FAM178B: variants seen among roughly 807,000 people sequenced by gnomAD.
FAM178B encodes the protein protein FAM178B.
Under a neutral mutation model 91.7 loss-of-function variants are expected in FAM178B, and 82 were observed. The observed-to-expected ratio is 0.89, with a 90% CI of 0.75 to 1.07. The LOEUF (loss-of-function observed/expected upper bound fraction) is 1.07, where lower values mean the gene tolerates loss of function less well. Among genes scored for constraint, FAM178B ranks in the 50% least tolerant of loss-of-function variants. The pLI is 0.00. For synonymous variants in FAM178B, 368 were observed against 359.4 expected (o/e 1.02, Z -0.27); for missense variants, 769 against 846.7 (o/e 0.91, Z 1.14).
intron 13 of FAM178B, among the ~76,000 whole-genome samples, chr2:96,900,391 T>TG (rs2080904954): frequency 6.6e-6 from 1 of 151,988 alleles, no homozygotes; most frequent in South Asian, 2.1e-4. Context: ...CCCACCTGGG[T>TG]GCCTGTCCCT....
At chr2:96,900,818 C>G (rs993051041) in intron 13 of FAM178B, among the ~76,000 whole-genome samples, 2 of 152,218 alleles carry the variant, frequency 1.3e-5, no homozygotes, top group Non-Finnish European at 2.9e-5. Flanking sequence ...CTTGCAGTCA[C>G]AGCACCTGGG....
chr2:96,956,585 T>A (rs1407504112), intron 6 of FAM178B: 1 of 152,190 alleles, frequency 6.6e-6, no homozygotes, highest in Non-Finnish European at 1.5e-5. Flanking sequence ...ATTTCAAGAG[T>A]TGATTTTTTA....
At chr2:96,982,385 C>T (rs1046315524) in intron 1 of FAM178B, among the ~76,000 whole-genome samples, 1 of 152,106 alleles carries the variant, frequency 6.6e-6, no homozygotes, top group Non-Finnish European at 1.5e-5. Flanking sequence ...ACCTCAGCTT[C>T]CCGAGTAGCT....
chr2:96,907,852 C>A (rs2081084126), intron 12 of FAM178B, among the ~76,000 whole-genome samples: 1 of 152,236 alleles, frequency 6.6e-6, no homozygotes, highest in Non-Finnish European at 1.5e-5. Flanking sequence ...GAACTGGGCC[C>A]TGCCAAGACT....
intron 12 of FAM178B, among the ~76,000 whole-genome samples, chr2:96,905,854 ATATATATTTTTTTTTTTTTT>A (rs1399821939): frequency 5.9e-3 from 128 of 21,610 alleles, no homozygotes; most frequent in South Asian, 8.7e-3. Context: ...ATATATATAT[ATATATATTTTTTTTTTTTTT>A]TTTTTTTTTT....
rs1285422639 is a variant in FAM178B at position 96,986,531 on chromosome 2, C to T, written c.-218G>A. 1 of 577,130 alleles carries T rather than the reference C, an allele frequency of 1.7e-6. No individual in the cohort carries two copies. The highest frequency in any genetic ancestry group is 2.9e-6 in the Non-Finnish European group (1 of 339,554). The allele number at this position is 577,130 out of a possible 1,614,324, so 35.8% of individuals were successfully genotyped here. On this transcript the variant is annotated 5_prime_UTR_variant, in exon 1 of 17. Coordinates refer to ENST00000490605, the MANE Select transcript of FAM178B (RefSeq NM_001122646.3). The stretch of plus-strand genomic sequence containing the variant: ...GAGTTCCGACTCCAAACCAAGCGGC[C>T]AGCTCACAGCCGCCGCCGCCGCCAG...
At chr2:96,915,142 C>T (rs2081221326) in intron 12 of FAM178B, among the ~76,000 whole-genome samples, 1 of 151,282 alleles carries the variant, frequency 6.6e-6, no homozygotes, top group African/African-American at 2.4e-5. Context: ...CGAAGTCTCA[C>T]TCTGCCTCCT....
intron 5 of FAM178B, among the ~76,000 whole-genome samples, chr2:96,963,625 G>T (rs575369496): frequency 2.0e-5 from 3 of 152,166 alleles, no homozygotes; most frequent in Admixed American, 2.0e-4. Flanking sequence ...ATAAAAACTG[G>T]CACCAGTCAG....
chr2:96,878,199 T>C (rs12473528), intron 15 of FAM178B, among the ~76,000 whole-genome samples, 157 bp from the exon 16 acceptor site: 63,953 of 152,092 alleles, frequency 0.42, 15,742 homozygotes, highest in South Asian at 0.78. Flanking sequence ...AGCACAACTG[T>C]TGGGGCTCGG....
chr2:96,957,770 T>G (rs1190579597), intron 6 of FAM178B, among the ~76,000 whole-genome samples: 1 of 152,180 alleles, frequency 6.6e-6, no homozygotes, highest in Non-Finnish European at 1.5e-5. Context: ...CATCTATCTA[T>G]TTATTAAATA....
intron 13 of FAM178B, chr2:96,898,112 C>T: frequency 1.0e-6 from 1 of 985,684 alleles, no homozygotes; most frequent in South Asian, 4.7e-5. Context: ...GCTCCTACAC[C>T]AGTCAATTCT....
intron 8 of FAM178B, among the ~76,000 whole-genome samples, chr2:96,944,813 C>T (rs2081796482): frequency 6.6e-6 from 1 of 152,236 alleles, no homozygotes; most frequent in Non-Finnish European, 1.5e-5. Flanking sequence ...AGCCCCTTTA[C>T]ATCAGGCAGG....
At chr2:96,903,236 TCACCA>T in intron 12 of FAM178B, among the ~76,000 whole-genome samples, 1 of 152,314 alleles carries the variant, frequency 6.6e-6, no homozygotes, top group Middle Eastern at 3.4e-3. Context: ...AGACAGGGTT[TCACCA>T]TGTTAGCCAG....
At chr2:96,980,595 GTCTT>G (rs2082348732) in intron 1 of FAM178B, among the ~76,000 whole-genome samples, 1 of 151,810 alleles carries the variant, frequency 6.6e-6, no homozygotes, top group Admixed American at 6.6e-5. Context: ...AGAGGTGGAG[GTCTT>G]TCTATGTTGC....
chr2:96,951,434 A>T lies in FAM178B; in HGVS notation c.938T>A (p.Ile313Asn). The T allele has an allele frequency of 1.3e-6, 2 of 1,551,526 alleles. No individual in the cohort carries two copies. The highest frequency in any genetic ancestry group is 1.7e-6 in the Non-Finnish European group (2 of 1,146,948). Residue 313 changes from isoleucine (I) to asparagine (N), a missense_variant, in exon 7 of 17, where the codon ATC (isoleucine) becomes AAC (asparagine). Coordinates refer to ENST00000490605, the MANE Select transcript of FAM178B (RefSeq NM_001122646.3). ...LSFLRSGLLN[I>N]LYLHMPDCPV... ...GCAGTCAGGCATGTGCAGGTAGAGG[A>T]TGTTCAGGAGGCCACTGCGCAGGAA...
chr2:96,913,186 T>C (rs2081188040), intron 12 of FAM178B, among the ~76,000 whole-genome samples: 1 of 152,142 alleles, frequency 6.6e-6, no homozygotes, highest in Non-Finnish European at 1.5e-5. Flanking sequence ...AGGTGAGAAC[T>C]GAGAGCACTG....
At chr2:96,913,357 G>A (rs566904645) in intron 12 of FAM178B, among the ~76,000 whole-genome samples, 1 of 152,340 alleles carries the variant, frequency 6.6e-6, no homozygotes, top group South Asian at 2.1e-4. Flanking sequence ...GGACATGCAT[G>A]TGGCATCACT....
chr2:96,922,765 T>C (rs981182922), intron 10 of FAM178B, among the ~76,000 whole-genome samples: 1 of 152,074 alleles, frequency 6.6e-6, no homozygotes. Flanking sequence ...AGTGCAATGG[T>C]GCAATCTCAG....
At chr2:96,966,083 T>C (rs186496110) in intron 5 of FAM178B, among the ~76,000 whole-genome samples, 6 of 152,024 alleles carry the variant, frequency 3.9e-5, no homozygotes, top group East Asian at 3.9e-4. Context: ...TGTGTCCAAT[T>C]AACTCAGAGG....
Sources: gnomAD v4.1 joint callset for allele counts (sites outside exome capture counted in the v4.1 genomes callset) on GRCh38, gnomAD v4.1.1 for gene constraint, MANE v1.5 for transcripts, NCBI Gene and HGNC (gene_info 2026-07-23, HGNC 2026-07-21) for gene names.